Variants in FAM47E observed in about 807,000 individuals in gnomAD.
FAM47E encodes protein FAM47E.
FAM47E carries 32 observed loss-of-function variants against 41.6 expected under a neutral mutation model. The observed-to-expected ratio is 0.77, with a 90% CI of 0.58 to 1.03. The LOEUF (loss-of-function observed/expected upper bound fraction) is 1.03, where lower values mean the gene tolerates loss of function less well. FAM47E is among the 50% of genes least tolerant of loss of function. The pLI, the probability that FAM47E is intolerant of heterozygous loss-of-function variation, is 0.00. For synonymous variants in FAM47E, 184 were observed against 188.7 expected, an observed-to-expected ratio of 0.98 and a Z score of 0.20; for missense variants, 424 against 485.4, an observed-to-expected ratio of 0.87 and a Z score of 1.19.
intron 6 of FAM47E, chr4:76,278,500 A>G (rs1430154718): frequency 4.9e-6 from 2 of 408,574 alleles, no homozygotes; most frequent in Middle Eastern, 6.1e-4. Context: ...ATTTATTCCA[A>G]GGATAATTGT....
chr4:76,245,131 C>T (rs140900719), intron 2 of FAM47E, among the ~76,000 whole-genome samples: 16 of 152,266 alleles, frequency 1.1e-4, no homozygotes, highest in Middle Eastern at 6.8e-3. Flanking sequence ...CATCCTCATA[C>T]GTCTTGCCTT....
At chr4:76,259,424 G>T (rs997771874) in intron 2 of FAM47E, among the ~76,000 whole-genome samples, 3 of 152,136 alleles carry the variant, frequency 2.0e-5, no homozygotes, top group African/African-American at 7.2e-5. Context: ...GCTATTGGAT[G>T]GCACTTTCAA....
intron 5 of FAM47E, among the ~76,000 whole-genome samples, chr4:76,272,055 A>T (rs77937770): frequency 0.18 from 26,953 of 152,212 alleles, 2,575 homozygotes; most frequent in Middle Eastern, 0.24. Flanking sequence ...GTCAGTAGAA[A>T]TATACATGAA....
intron 4 of FAM47E, among the ~76,000 whole-genome samples, chr4:76,271,273 A>G (rs764389291): frequency 6.6e-6 from 1 of 152,206 alleles, no homozygotes; most frequent in Admixed American, 6.5e-5. Flanking sequence ...CAAGTCTGGA[A>G]AATACTTCTA....
chr4:76,238,006 T>G (rs1347293265), intron 2 of FAM47E, among the ~76,000 whole-genome samples: 1 of 152,180 alleles, frequency 6.6e-6, no homozygotes, highest in South Asian at 2.1e-4. Flanking sequence ...ATAGTTGAGT[T>G]TGCAGTGTAG....
chr4:76,231,354 T>A (rs1373207919), intron 2 of FAM47E, among the ~76,000 whole-genome samples: 2 of 152,220 alleles, frequency 1.3e-5, no homozygotes, highest in African/African-American at 2.4e-5. Flanking sequence ...CCCATCCCTC[T>A]TGTTCTTTCT....
At chr4:76,250,206 A>C (rs1733922181), upstream of FAM47E, among the ~76,000 whole-genome samples, 1 of 152,160 alleles carries the variant, frequency 6.6e-6, no homozygotes, top group Non-Finnish European at 1.5e-5. Flanking sequence ...TTTTCCCCAC[A>C]TCCACACCAA....
intron 3 of FAM47E, among the ~76,000 whole-genome samples, chr4:76,264,785 A>G (rs974168556): frequency 4.6e-5 from 7 of 152,168 alleles, no homozygotes; most frequent in African/African-American, 1.7e-4. Flanking sequence ...TGGTAGAGGC[A>G]AAGTTTCGCC....
intron 5 of FAM47E, among the ~76,000 whole-genome samples, chr4:76,275,175 C>T (rs528556673): frequency 6.6e-6 from 1 of 152,274 alleles, no homozygotes; most frequent in South Asian, 2.1e-4. Context: ...TCTGACTCCA[C>T]ATACCCTCAG....
intron 1 of FAM47E, 32 bp from the exon 2 acceptor site, chr4:76,256,146 C>A: frequency 6.5e-7 from 1 of 1,536,010 alleles, no homozygotes; most frequent in Non-Finnish European, 8.8e-7. Flanking sequence ...ATGTGGTATT[C>A]TAGGTACAAA....
upstream of FAM47E, among the ~76,000 whole-genome samples, chr4:76,250,470 G>A (rs191069511): frequency 2.2e-3 from 337 of 151,954 alleles, 3 homozygotes; most frequent in African/African-American, 7.8e-3. Flanking sequence ...GTCCTTTGTT[G>A]GATATATAGA....
rs140007791 is a variant in FAM47E at position 76,274,837 on chromosome 4, C to A, written c.870+3069C>A. ...CCTCTGAAATCTCCTGGAGTTCTCT[C>A]TCTGTGCAGCTTTTTCTTTTCTGAT... On this transcript the variant is annotated intron_variant, in intron 5 of 7. Coordinates refer to ENST00000424749, the MANE Select transcript of FAM47E (RefSeq NM_001136570.3). Among the ~76,000 whole-genome samples the A allele has an allele frequency of 9.5e-4, 144 of 152,268 alleles. No individual in the cohort carries two copies. The Middle Eastern group carries it at 0.01, about 11-fold the overall frequency.
chr4:76,233,736 A>G lies in FAM47E; in HGVS notation c.81+16048A>G, dbSNP rs139306801. 3.3e-3 allele frequency among the ~76,000 whole-genome samples: 507 copies of G among 152,222 alleles called. 8 individuals carry two copies. Among genetic ancestry groups the G allele is most frequent in the African/African-American group, 0.012 (492 of 41,532 alleles). On this transcript the variant is annotated intron_variant, in intron 2 of 7. Coordinates refer to the FAM47E transcript ENST00000510197. ...ACCAACCACAGCAGGCTCATCCCCTAAGGCAGGATTGCTGAACAAAGCCCT... is the reference window on the plus strand; with the variant it reads ...ACCAACCACAGCAGGCTCATCCCCTGAGGCAGGATTGCTGAACAAAGCCCT...
rs1331271298 is a variant in FAM47E, at chr4:76,271,730, C to A, written c.832C>A (p.Gln278Lys). 3.9e-6 allele frequency: 6 copies of A among 1,551,642 alleles called. No individual in the cohort carries two copies. Among genetic ancestry groups the A allele is most frequent in the Admixed American group, 2.0e-5 (1 of 50,996 alleles). ...LSKLQETEFF[Q>K]KLGYERKLQK... ...TAAACTGCAGGAGACAGAGTTCTTC[C>A]AGAAACTAGGCTATGAGAGGAAACT... The change falls in exon 5 of 8, where the codon CAG becomes AAG. Residue 278 changes from glutamine (Q) to lysine (K), a missense_variant. Gln to Lys is a moderately conservative substitution (Grantham distance 53). Coordinates refer to ENST00000424749, the MANE Select transcript of FAM47E (RefSeq NM_001136570.3).
intron 2 of FAM47E, among the ~76,000 whole-genome samples, chr4:76,228,134 T>C (rs1733430446): frequency 6.6e-6 from 1 of 152,116 alleles, no homozygotes; most frequent in African/African-American, 2.4e-5. Context: ...CTGCAAGATT[T>C]ATGCTCTAAG....
chr4:76,271,823 G>A (rs1734904523), intron 5 of FAM47E, 55 bp downstream of exon 5: 7 of 1,508,574 alleles, frequency 4.6e-6, no homozygotes, highest in Non-Finnish European at 6.2e-6. Context: ...TTGTATTGAA[G>A]TCTTAAAGTT....
At chr4:76,225,439 T>C (rs1317954965) in intron 2 of FAM47E, among the ~76,000 whole-genome samples, 1 of 152,240 alleles carries the variant, frequency 6.6e-6, no homozygotes, top group African/African-American at 2.4e-5. Flanking sequence ...ATAGCAGTGA[T>C]GAAAATGGGC....
At chr4:76,274,448 G>A (rs931971746) in intron 5 of FAM47E, among the ~76,000 whole-genome samples, 12 of 152,156 alleles carry the variant, frequency 7.9e-5, no homozygotes, top group African/African-American at 2.7e-4. Context: ...GGATGTGGTG[G>A]CATGTACCTG....
intron 1 of FAM47E, among the ~76,000 whole-genome samples, chr4:76,252,031 C>T (rs1733987295): frequency 6.6e-6 from 1 of 152,088 alleles, no homozygotes; most frequent in Non-Finnish European, 1.5e-5. Context: ...ATCCTCACAA[C>T]CCCCGCCTCC....
Sources: allele counts gnomAD v4.1 joint callset (sites outside exome capture counted in the v4.1 genomes callset), GRCh38; gene constraint gnomAD v4.1.1; transcripts MANE v1.5; gene names NCBI Gene and HGNC (gene_info 2026-07-23, HGNC 2026-07-21).